Variants in LHFPL4 observed in about 807,000 individuals in gnomAD.
LHFPL4 encodes LHFPL tetraspan subfamily member 4.
Under a neutral mutation model 20.0 loss-of-function variants are expected in LHFPL4, and 6 were observed. The ratio of observed to expected loss-of-function variants is 0.30; its 90% confidence interval spans 0.16 to 0.59. The LOEUF is 0.59. Ranked by LOEUF, LHFPL4 falls within the 20% of genes least tolerant of loss-of-function variation. The pLI, the probability that LHFPL4 is intolerant of heterozygous loss-of-function variation, is 0.88. For synonymous variants in LHFPL4, 129 were observed against 143.8 expected (o/e 0.90, Z 0.74); for missense variants, 215 against 331.2 (o/e 0.65, Z 2.72).
chr3:9,528,700 C>T (rs1441663784), intron 2 of LHFPL4, among the ~76,000 whole-genome samples: 1 of 152,216 alleles, frequency 6.6e-6, no homozygotes, highest in Non-Finnish European at 1.5e-5. Context: ...ACTGCAACCT[C>T]TGTCTCCCGG....
intron 2 of LHFPL4, among the ~76,000 whole-genome samples, chr3:9,526,174 T>C (rs2046373922): frequency 6.6e-6 from 1 of 151,886 alleles, no homozygotes; most frequent in South Asian, 2.1e-4. Flanking sequence ...CTACCTAGAG[T>C]AATCAAATTC....
chr3:9,521,577 A>C (rs988857135), intron 2 of LHFPL4, among the ~76,000 whole-genome samples: 1 of 149,786 alleles, frequency 6.7e-6, no homozygotes, highest in Non-Finnish European at 1.5e-5. Context: ...ATTTTTTTGT[A>C]CTTTTTTAGT....
At chr3:9,531,674 A>C (rs916646314) in intron 2 of LHFPL4, among the ~76,000 whole-genome samples, 3 of 152,018 alleles carry the variant, frequency 2.0e-5, no homozygotes, top group Non-Finnish European at 4.4e-5. Flanking sequence ...TGTGGTGCGC[A>C]CCTGTAATCA....
chr3:9,507,561 T>C (rs2046227583), intron 2 of LHFPL4, among the ~76,000 whole-genome samples: 1 of 152,142 alleles, frequency 6.6e-6, no homozygotes, highest in Admixed American at 6.5e-5. Flanking sequence ...ATTACACAAA[T>C]AAGAAAGTAA....
Position 9,552,727 on chromosome 3 carries a change from C to G in LHFPL4, c.-48G>C. ...GGCGGCGGCGGCTGGCGGGGGCCGCCGGCCCGGGACGGAGCGCCGGGCTGC... is the reference window on the plus strand; with the variant it reads ...GGCGGCGGCGGCTGGCGGGGGCCGCGGGCCCGGGACGGAGCGCCGGGCTGC... On this transcript the variant is annotated 5_prime_UTR_variant, in exon 2 of 4. Coordinates refer to ENST00000287585, the MANE Select transcript of LHFPL4 (RefSeq NM_198560.3). 5 of 1,135,394 alleles carry G rather than the reference C, an allele frequency of 4.4e-6. No homozygotes were observed. The South Asian group carries it at 1.7e-4, about 39-fold the overall frequency. 70.3% of individuals were successfully genotyped at this position (1,135,394 alleles called of 1,614,324 possible). A position where few individuals can be genotyped will look rare whatever the true frequency, so the allele number is the denominator to read the frequency against.
At chr3:9,536,594 T>C (rs1240212846) in intron 2 of LHFPL4, among the ~76,000 whole-genome samples, 1 of 152,186 alleles carries the variant, frequency 6.6e-6, no homozygotes, top group Non-Finnish European at 1.5e-5. Context: ...ACCTTCAAAC[T>C]AGTTTCTCTG....
chr3:9,516,336 G>C (rs996541504), intron 2 of LHFPL4, among the ~76,000 whole-genome samples: 2 of 152,040 alleles, frequency 1.3e-5, no homozygotes, highest in Non-Finnish European at 1.5e-5. Flanking sequence ...TTGTTGGAGA[G>C]ACCATCTCTT....
At chr3:9,526,876 C>T (rs982739302) in intron 2 of LHFPL4, among the ~76,000 whole-genome samples, 4 of 152,046 alleles carry the variant, frequency 2.6e-5, no homozygotes, top group South Asian at 2.1e-4. Context: ...GGGCATGAGG[C>T]CCTGCCCACA....
At chr3:9,521,477 C>T (rs950478111) in intron 2 of LHFPL4, among the ~76,000 whole-genome samples, 13 of 151,794 alleles carry the variant, frequency 8.6e-5, no homozygotes, top group Admixed American at 8.5e-4. Context: ...TCTCAGCTCA[C>T]TGCAAGCTCC....
At chr3:9,522,157 A>G (rs868795053) in intron 2 of LHFPL4, among the ~76,000 whole-genome samples, 6 of 151,758 alleles carry the variant, frequency 4.0e-5, no homozygotes, top group Non-Finnish European at 8.8e-5. Context: ...GTACCTTATT[A>G]TTATTGTTAT....
At chr3:9,503,454 A>G (rs1049161251) in intron 3 of LHFPL4, among the ~76,000 whole-genome samples, 9 of 152,206 alleles carry the variant, frequency 5.9e-5, no homozygotes, top group African/African-American at 1.9e-4. Flanking sequence ...GGACTGCATC[A>G]GGTATTTAGA....
At chr3:9,527,809 A>AC (rs2046384770) in intron 2 of LHFPL4, among the ~76,000 whole-genome samples, 3 of 143,274 alleles carry the variant, frequency 2.1e-5, no homozygotes, top group Admixed American at 7.0e-5. Context: ...TTCAAATACA[A>AC]ACACACACAC....
intron 2 of LHFPL4, among the ~76,000 whole-genome samples, chr3:9,541,240 C>T (rs1206140100): frequency 6.6e-6 from 1 of 151,824 alleles, no homozygotes; most frequent in Non-Finnish European, 1.5e-5. Context: ...CCGCACCCGG[C>T]AAAATAAAAA....
intron 2 of LHFPL4, among the ~76,000 whole-genome samples, chr3:9,540,340 T>G (rs1313628063): frequency 6.6e-6 from 1 of 152,198 alleles, no homozygotes; most frequent in Non-Finnish European, 1.5e-5. Flanking sequence ...ATATTACCAT[T>G]AGCAGTGGCT....
At chr3:9,504,466 C>T in intron 3 of LHFPL4, among the ~76,000 whole-genome samples, 1 of 151,930 alleles carries the variant, frequency 6.6e-6, no homozygotes, top group Non-Finnish European at 1.5e-5. Context: ...TCCTCCCCTT[C>T]CATCATAACC....
intron 2 of LHFPL4, among the ~76,000 whole-genome samples, chr3:9,529,785 A>G (rs1353974605): frequency 6.6e-6 from 1 of 151,814 alleles, no homozygotes; most frequent in African/African-American, 2.4e-5. Context: ...GGCGCCTGCC[A>G]CCACACCTGG....
chr3:9,517,626 A>T (rs1323311943), intron 2 of LHFPL4, among the ~76,000 whole-genome samples: 1 of 149,250 alleles, frequency 6.7e-6, no homozygotes, highest in Non-Finnish European at 1.5e-5. Flanking sequence ...AGCCCAGGCC[A>T]CAGTAAGCTA....
At chr3:9,507,064 C>T (rs1000399084) in intron 2 of LHFPL4, among the ~76,000 whole-genome samples, 9 of 152,310 alleles carry the variant, frequency 5.9e-5, no homozygotes, top group African/African-American at 1.9e-4. Flanking sequence ...GGCTGTATGA[C>T]CTTGGCAGAT....
At chr3:9,534,152 G>C (rs2046429481) in intron 2 of LHFPL4, among the ~76,000 whole-genome samples, 2 of 151,962 alleles carry the variant, frequency 1.3e-5, no homozygotes, top group Non-Finnish European at 2.9e-5. Context: ...GGGATGCAGA[G>C]GTTGCAGTGA....
Sources: allele counts gnomAD v4.1 joint callset (sites outside exome capture counted in the v4.1 genomes callset), GRCh38; gene constraint gnomAD v4.1.1; transcripts MANE v1.5; gene names NCBI Gene and HGNC (gene_info 2026-07-23, HGNC 2026-07-21).